Variants in TMF1 observed in about 807,000 individuals in gnomAD.
The protein encoded by TMF1 is TATA element modulatory factor 1.
In TMF1, 71 loss-of-function variants were observed where a neutral mutation model predicts 126.5. The observed-to-expected ratio is 0.56, with a 90% confidence interval of 0.46 to 0.68. The LOEUF (loss-of-function observed/expected upper bound fraction) is 0.68. Among genes scored for constraint, TMF1 ranks in the 30% least tolerant of loss-of-function variants. The pLI is 0.00. For synonymous variants in TMF1, 461 were observed against 430.5 expected, an observed-to-expected ratio of 1.07 and a Z score of -0.88; for missense variants, 1,259 against 1,253.2, an observed-to-expected ratio of 1.00 and a Z score of -0.07.
intron 13 of TMF1, among the ~76,000 whole-genome samples, chr3:69,026,582 T>G (rs937551743): frequency 2.0e-5 from 3 of 152,148 alleles, no homozygotes; most frequent in Non-Finnish European, 4.4e-5. Context: ...ATAGCACCAC[T>G]ACACTCCAGC....
intron 2 of TMF1, among the ~76,000 whole-genome samples, chr3:69,046,200 A>G (rs554308410): frequency 2.6e-5 from 4 of 152,338 alleles, no homozygotes; most frequent in African/African-American, 9.6e-5. Context: ...AAAGCTAAAC[A>G]AAAAGTAATG....
chr3:69,033,445 T>G, intron 10 of TMF1, 103 bp downstream of exon 10: 1 of 1,283,246 alleles, frequency 7.8e-7, no homozygotes, highest in Non-Finnish European at 1.1e-6. Flanking sequence ...AGACACAAAA[T>G]GTAACTATCA....
At chr3:69,039,834 G>A in intron 5 of TMF1, 141 bp from the exon 6 acceptor site, 1 of 880,780 alleles carries the variant, frequency 1.1e-6, no homozygotes, top group Non-Finnish European at 1.7e-6. Context: ...CAACTAATTT[G>A]GACAGCAATC....
intron 13 of TMF1, among the ~76,000 whole-genome samples, chr3:69,027,564 A>C (rs2091776512): frequency 6.6e-6 from 1 of 152,270 alleles, no homozygotes; most frequent in South Asian, 2.1e-4. Context: ...TTAGACATTA[A>C]AAAAATGATA....
At chr3:69,029,700 C>T in intron 11 of TMF1, 115 bp downstream of exon 11, 1 of 989,560 alleles carries the variant, frequency 1.0e-6, no homozygotes, top group Admixed American at 2.4e-5. Flanking sequence ...CTTGGCCTCC[C>T]AATGTGCTGG....
intron 2 of TMF1, among the ~76,000 whole-genome samples, chr3:69,046,743 T>C (rs531771602): frequency 2.0e-5 from 3 of 152,310 alleles, no homozygotes; most frequent in South Asian, 4.1e-4. Context: ...TTTTGTTCCT[T>C]AGACATTTCT....
At chr3:69,029,342 T>G (rs1216507703) in intron 11 of TMF1, among the ~76,000 whole-genome samples, 1 of 152,140 alleles carries the variant, frequency 6.6e-6, no homozygotes, top group Non-Finnish European at 1.5e-5. Flanking sequence ...CATAATATCC[T>G]ATTACTAATA....
In TMF1 at chr3:69,021,111, AAG is replaced by A. The variant is rs2091726929; in HGVS notation, c.*2064_*2065del. Reference sequence around the variant, plus strand: ...CAGTACAATAAGATATTTTGAGAGAAAGAGACAGACATATCACATTTACATCA... The same window carrying A: ...CAGTACAATAAGATATTTTGAGAGAAAGACAGACATATCACATTTACATCA... On this transcript the variant is annotated 3_prime_UTR_variant, in exon 17 of 17. Coordinates refer to ENST00000398559, the MANE Select transcript of TMF1 (RefSeq NM_007114.3). The A allele has an allele frequency of 6.6e-6, 1 of 152,182 alleles. No homozygotes were observed. The allele number at this position is 152,182 out of a possible 1,614,324, so 9.4% of individuals were successfully genotyped here.
rs1204904409 is a variant in TMF1, at chr3:69,038,578, T to C, written c.2137A>G (p.Thr713Ala). ...AQEEARQQQE[T>A]LAIQVGDLRL... The stretch of plus-strand genomic sequence containing the variant: ...CCATTGCTTACTTGAATGGCTAATG[T>C]TTCTTGCTGCTGACGGGCTTCTTCT... The change falls in exon 8 of 17, where the codon ACA (threonine) becomes GCA (alanine). Residue 713 changes from threonine (T) to alanine (A), a missense_variant. By Grantham distance (58) the Thr-to-Ala change is moderately conservative. Coordinates refer to ENST00000398559, the MANE Select transcript of TMF1 (RefSeq NM_007114.3). 1.2e-6 allele frequency: 2 copies of C among 1,613,224 alleles called. No homozygotes were observed. The highest frequency in any genetic ancestry group is 2.7e-5 in the African/African-American group (2 of 74,852).
intron 6 of TMF1, 142 bp downstream of exon 6, chr3:69,039,409 C>T: frequency 1.0e-6 from 1 of 987,374 alleles, no homozygotes; most frequent in Non-Finnish European, 1.4e-6. Flanking sequence ...GCTAAAAAAT[C>T]TTATCATTTA....
In TMF1 at chr3:69,036,667, A is replaced by G. The variant is rs189591645; in HGVS notation, c.2152-1552T>C. On this transcript the variant is annotated intron_variant, in intron 8 of 16. Transcript: ENST00000398559. ...AAATGTCTGAATAGATTTTGCTCTC[A>G]CTTTGGAATCATGTAAATGTTTTAC... Among the ~76,000 whole-genome samples the G allele has an allele frequency of 2.1e-3, 327 of 152,356 alleles. 1 individual carries two copies. Among genetic ancestry groups the G allele is most frequent in the African/African-American group, 7.5e-3 (310 of 41,586 alleles).
Position 69,035,113 on chromosome 3 carries a change from C to G in TMF1, c.2154G>C (p.Val718=), listed in dbSNP as rs531602160. The change falls in exon 9 of 17, where the codon GTG becomes GTC. Residue 718 remains valine (V), a splice_region_variant and synonymous_variant. Transcript: ENST00000398559. The part of the protein sequence containing the change: ...RQQQETLAIQ[V]GDLRLALQRT... The stretch of plus-strand genomic sequence containing the variant: ...GCTGCAATGCAAGCCTAAGGTCCCC[C>G]ACCTGTAGGAGGAGAAACAATACAT... 1.2e-6 allele frequency: 2 copies of G among 1,613,628 alleles called. No homozygotes were observed. The highest frequency in any genetic ancestry group is 8.5e-7 in the Non-Finnish European group (1 of 1,179,668).
chr3:69,047,062 T>G (rs576192210), intron 2 of TMF1, among the ~76,000 whole-genome samples: 2 of 152,148 alleles, frequency 1.3e-5, no homozygotes, highest in African/African-American at 4.8e-5. Context: ...GACATACTAA[T>G]AAGCATAACA....
chr3:69,026,187 A>T, intron 13 of TMF1, 90 bp from the exon 14 acceptor site: 1 of 814,626 alleles, frequency 1.2e-6, no homozygotes, highest in Non-Finnish European at 2.0e-6. Flanking sequence ...ATGAGAACAA[A>T]GATTCAGTCT....
rs1386720183 is a variant in TMF1, at chr3:69,028,529, G to C, written c.2595-234C>G. 2.6e-5 allele frequency among the ~76,000 whole-genome samples: 4 copies of C among 152,220 alleles called. No homozygotes were observed. In the East Asian group the frequency reaches 7.7e-4, roughly 29 times the overall value. The stretch of plus-strand genomic sequence containing the variant: ...TGTGCATTTTATTTATTGGTGCTCT[G>C]GGTTAAGATTTCATTTAAAAAGAGA... On this transcript the variant is annotated intron_variant, in intron 11 of 16. Coordinates refer to ENST00000398559, the MANE Select transcript of TMF1 (RefSeq NM_007114.3).
rs2091746345 is a variant in TMF1 at position 69,022,736 on chromosome 3, T to C, written c.*441A>G. The C allele has an allele frequency of 6.6e-6, 1 of 152,558 alleles. No homozygotes were observed. Among genetic ancestry groups the C allele is most frequent in the African/African-American group, 2.4e-5 (1 of 41,456 alleles). The allele number at this position is 152,558 out of a possible 1,614,324, so 9.5% of individuals were successfully genotyped here. A position where few individuals can be genotyped will look rare whatever the true frequency, so the allele number is the denominator to read the frequency against. On this transcript the variant is annotated 3_prime_UTR_variant, in exon 17 of 17. Coordinates refer to ENST00000398559, the MANE Select transcript of TMF1 (RefSeq NM_007114.3). ...TTCATGAGCAGTAATTAAGATATGT[T>C]GAAATTTTAAATGTGAAAGATTTCA...
In TMF1 at chr3:69,022,870, ATTC is replaced by A. The variant is rs1351727338; in HGVS notation, c.*304_*306del. ...TATCTACAATACATATATGAACACC[ATTC>A]TTCTTCTCTAGCCATATTTATATGA... On this transcript the variant is annotated 3_prime_UTR_variant, in exon 17 of 17. Transcript: ENST00000398559. 24 of 204,280 alleles carry A rather than the reference ATTC, an allele frequency of 1.2e-4. No homozygotes were observed. Among genetic ancestry groups the A allele is most frequent in the South Asian group, 3.2e-4 (3 of 9,514 alleles). 12.7% of individuals were successfully genotyped at this position (204,280 alleles called of 1,614,324 possible).
intron 8 of TMF1, among the ~76,000 whole-genome samples, chr3:69,037,669 G>A (rs2091840081): frequency 6.6e-6 from 1 of 152,056 alleles, no homozygotes; most frequent in Non-Finnish European, 1.5e-5. Context: ...AGCCAGGCAT[G>A]GTAGCACCTG....
rs1262012792 is a variant in TMF1, at chr3:69,041,483, C to G, written c.1684+1324G>C. 2.0e-5 allele frequency among the ~76,000 whole-genome samples: 3 copies of G among 152,180 alleles called. 1 individual carries two copies. The East Asian group carries it at 5.8e-4, about 29-fold the overall frequency. ...CTTCCAACTGTTCTCAAACGCTACC[C>G]TTTCTCTGGAAATTTACTTAAGTTC... On this transcript the variant is annotated intron_variant, in intron 5 of 16. Transcript: ENST00000398559.
Sources: allele counts gnomAD v4.1 joint callset (sites outside exome capture counted in the v4.1 genomes callset), GRCh38; gene constraint gnomAD v4.1.1; transcripts MANE v1.5; gene names NCBI Gene and HGNC (gene_info 2026-07-23, HGNC 2026-07-21).